Variants in MYO10 observed in about 807,000 individuals in gnomAD.
MYO10 encodes the protein unconventional myosin-X.
MYO10 carries 133 observed loss-of-function variants against 257.3 expected under a neutral mutation model. The observed-to-expected ratio is 0.52, with a 90% CI of 0.45 to 0.60. MYO10 has a LOEUF of 0.60. Among genes scored for constraint, MYO10 ranks in the 20% least tolerant of loss-of-function variants. MYO10 has a pLI of 0.00. For missense variants in MYO10, 2,399 were observed against 2,635.7 expected (o/e 0.91, Z 1.97); for synonymous variants, 1,104 against 1,028.6 (o/e 1.07, Z -1.40).
intron 1 of MYO10, among the ~76,000 whole-genome samples, chr5:16,916,983 G>A (rs1348745322): frequency 2.6e-5 from 4 of 152,042 alleles, no homozygotes; most frequent in Non-Finnish European, 5.9e-5. Flanking sequence ...ATACAAATCA[G>A]GTCCGTATTG....
Position 16,701,691 on chromosome 5 carries a change from G to A in MYO10, c.2704C>T (p.Arg902Cys), listed in dbSNP as rs189081482. ...RLEKEIEDLQ[R>C]MKEQQELSLT... ...GACAGCTCCTGCTGCTCCTTCATGC[G>A]CTGCAGGTCCTCGATTTCTTTCTCC... Residue 902 changes from arginine (R) to cysteine (C), a missense_variant, in exon 25 of 41, where the codon CGC becomes TGC. Physicochemically the swap from Arg to Cys is radical, Grantham distance 180. Around this residue, in one of 3 missense-constraint regions of MYO10, gnomAD observed 1,820 missense variants for 1,939.4 expected, o/e 0.94. Transcript: ENST00000513610. This position sits in a 1 kb window ranked among gnomAD's most constrained non-coding sequence, Gnocchi z 8.1. 3.5e-4 allele frequency: 572 copies of A among 1,613,966 alleles called. No homozygotes were observed. The highest frequency in any genetic ancestry group is 1.2e-3 in the Admixed American group (70 of 60,026).
At chr5:16,894,024 TTTTAGATTTTCCAGACAAG>T (rs141776048) in intron 1 of MYO10, among the ~76,000 whole-genome samples, 5,360 of 152,136 alleles carry the variant, frequency 0.035, 140 homozygotes, top group African/African-American at 0.066. Context: ...TTTAGAATAG[TTTTAGATTTTCCAGACAAG>T]TTGCAAAGAT....
At chr5:16,792,132 C>CACACACAGAGAGAG (rs755315207) in intron 4 of MYO10, among the ~76,000 whole-genome samples, 3 of 75,288 alleles carry the variant, frequency 4.0e-5, no homozygotes, top group African/African-American at 1.1e-4. Context: ...CACACACACA[C>CACACACAGAGAGAG]AGAGAGAGAG....
intron 2 of MYO10, among the ~76,000 whole-genome samples, chr5:16,825,027 G>T (rs1285403748): frequency 6.6e-6 from 1 of 152,158 alleles, no homozygotes; most frequent in Non-Finnish European, 1.5e-5. Flanking sequence ...AGGATTTCTA[G>T]GAATTGGAGA....
chr5:16,927,367 C>T (rs1473605243), intron 1 of MYO10, among the ~76,000 whole-genome samples: 1 of 152,134 alleles, frequency 6.6e-6, no homozygotes, highest in East Asian at 1.9e-4. Context: ...CTCTGTTGCC[C>T]AGGCTGGAGT....
intron 10 of MYO10, 70 bp from the exon 11 acceptor site, chr5:16,766,268 T>C: frequency 8.7e-7 from 1 of 1,151,572 alleles, no homozygotes; most frequent in Non-Finnish European, 1.3e-6. Flanking sequence ...AGCGATACCT[T>C]AACGCAGAGA....
chr5:16,768,664 C>CTTTTTTTTTT lies in MYO10; in HGVS notation c.1060+400_1060+409dup, dbSNP rs34950225. On this transcript the variant is annotated intron_variant, in intron 10 of 40. Coordinates refer to ENST00000513610, the MANE Select transcript of MYO10 (RefSeq NM_012334.3). Reference sequence around the variant, plus strand: ...AAGGAGTCAGAACATTTTCTCTTTTCTTTTTTTTTTTTTTTTTTTTTTTTT... The same window carrying CTTTTTTTTTT: ...AAGGAGTCAGAACATTTTCTCTTTTCTTTTTTTTTTTTTTTTTTTTTTTTTTTTTTTTTTT... 4.0e-3 allele frequency among the ~76,000 whole-genome samples: 281 copies of CTTTTTTTTTT among 70,154 alleles called. 6 individuals are homozygous for CTTTTTTTTTT. The highest frequency in any genetic ancestry group is 5.1e-3 in the Non-Finnish European group (209 of 40,650). The allele number at this position is 70,154 out of a possible 152,430, so 46.0% of individuals were successfully genotyped here. A position where few individuals can be genotyped will look rare whatever the true frequency, so the allele number is the denominator to read the frequency against.
intron 34 of MYO10, 23 bp downstream of exon 34, chr5:16,676,008 T>C (rs781479507): frequency 1.3e-6 from 2 of 1,593,550 alleles, no homozygotes; most frequent in South Asian, 1.1e-5. Flanking sequence ...CTCTGAGGAG[T>C]CGGGGTGGAG....
intron 2 of MYO10, among the ~76,000 whole-genome samples, chr5:16,824,823 C>T (rs1005910414): frequency 6.6e-6 from 1 of 152,120 alleles, no homozygotes; most frequent in African/African-American, 2.4e-5. Flanking sequence ...GCCAAGATCA[C>T]ACCACTACAC....
intron 1 of MYO10, among the ~76,000 whole-genome samples, chr5:16,905,127 C>G (rs142569567): frequency 1.4e-3 from 211 of 152,334 alleles, no homozygotes; most frequent in African/African-American, 4.9e-3. Context: ...GCAAATCTCG[C>G]TTGATGCGGA....
At chr5:16,884,097 T>C (rs1744831320) in intron 1 of MYO10, among the ~76,000 whole-genome samples, 1 of 152,208 alleles carries the variant, frequency 6.6e-6, no homozygotes, top group African/African-American at 2.4e-5. Flanking sequence ...TTTTCCTTTT[T>C]AAAGATGCAG....
intron 17 of MYO10, among the ~76,000 whole-genome samples, chr5:16,758,593 T>C (rs1335120490): frequency 6.6e-6 from 1 of 152,140 alleles, no homozygotes; most frequent in African/African-American, 2.4e-5. Flanking sequence ...GTTGCAAAGA[T>C]TGAAGCAGTT....
At chr5:16,706,440 AT>A (rs1351727160) in intron 21 of MYO10, among the ~76,000 whole-genome samples, 2 of 152,202 alleles carry the variant, frequency 1.3e-5, no homozygotes, top group Non-Finnish European at 2.9e-5. Flanking sequence ...AGCAGTTTTC[AT>A]CAAGACTGGA....
At chr5:16,793,353 C>T (rs567634155) in intron 4 of MYO10, among the ~76,000 whole-genome samples, 2 of 152,238 alleles carry the variant, frequency 1.3e-5, no homozygotes, top group South Asian at 4.1e-4. Flanking sequence ...GAGAAGGAGT[C>T]TCACTCTGTC....
intron 2 of MYO10, among the ~76,000 whole-genome samples, chr5:16,859,879 C>T (rs1043612518): frequency 6.6e-6 from 1 of 152,182 alleles, no homozygotes. Context: ...CCACCCAGGG[C>T]CGTGCCCTTC....
intron 2 of MYO10, among the ~76,000 whole-genome samples, chr5:16,821,678 G>C (rs1411358762): frequency 2.0e-5 from 3 of 151,706 alleles, no homozygotes; most frequent in African/African-American, 7.3e-5. Context: ...GTGTTAGCCA[G>C]GATGGTCTTG....
At chr5:16,869,113 C>A (rs1744373657) in intron 2 of MYO10, among the ~76,000 whole-genome samples, 1 of 152,038 alleles carries the variant, frequency 6.6e-6, no homozygotes, top group East Asian at 1.9e-4. Context: ...CAAGCTCCGT[C>A]TCCCAGGTTC....
At chr5:16,691,397 TA>T (rs200204967) in intron 27 of MYO10, among the ~76,000 whole-genome samples, 43 of 149,426 alleles carry the variant, frequency 2.9e-4, no homozygotes, top group Non-Finnish European at 4.9e-4. Context: ...ATGAAATATT[TA>T]AAAAAAAATC....
intron 19 of MYO10, among the ~76,000 whole-genome samples, chr5:16,750,728 G>A (rs1740355363): frequency 6.6e-6 from 1 of 152,186 alleles, no homozygotes. Flanking sequence ...AGGCTCAGTG[G>A]CTCACACATG....
Sources: allele counts gnomAD v4.1 joint callset (sites outside exome capture counted in the v4.1 genomes callset), GRCh38; gene constraint gnomAD v4.1.1; regional missense constraint gnomAD v4.1.1; non-coding constraint Gnocchi (gnomAD v3.1); transcripts MANE v1.5; gene names NCBI Gene and HGNC (gene_info 2026-07-23, HGNC 2026-07-21).